Variants in LSS observed in about 807,000 individuals in gnomAD.
LSS encodes the protein 2,3-epoxysqualene-lanosterol cyclase.
In LSS, 90 loss-of-function variants were observed where a neutral mutation model predicts 110.3. The ratio of observed to expected loss-of-function variants is 0.82; its 90% CI spans 0.69 to 0.97. The LOEUF is 0.97. Among genes scored for constraint, LSS ranks in the 50% least tolerant of loss-of-function variants. The pLI is 0.00. For missense variants in LSS, 927 were observed against 990.0 expected (o/e 0.94, Z 0.85); for synonymous variants, 433 against 400.0 (o/e 1.08, Z -0.98).
At chr21:46,207,882 T>A (rs2080074670) in intron 14 of LSS, among the ~76,000 whole-genome samples, 1 of 152,206 alleles carries the variant, frequency 6.6e-6, no homozygotes, top group African/African-American at 2.4e-5. Flanking sequence ...GCTGGGTCCA[T>A]GCCTAATTTC....
intron 17 of LSS, among the ~76,000 whole-genome samples, chr21:46,204,021 G>C (rs958456181): frequency 1.3e-5 from 2 of 152,186 alleles, no homozygotes; most frequent in African/African-American, 4.8e-5. Flanking sequence ...AGGCCAGTGT[G>C]GTGGCTCACA....
intron 12 of LSS, among the ~76,000 whole-genome samples, chr21:46,210,143 T>C (rs1232783555): frequency 6.8e-6 from 1 of 145,986 alleles, no homozygotes; most frequent in Admixed American, 7.2e-5. Context: ...CTCGGCTCGC[T>C]GCACCCTCCA....
intron 20 of LSS, 163 bp from the exon 21 acceptor site, chr21:46,192,122 G>A (rs910384633): frequency 3.1e-5 from 20 of 648,636 alleles, no homozygotes; most frequent in Non-Finnish European, 3.3e-5. Flanking sequence ...CCAGCGCCTC[G>A]GGCTCTTGCC....
chr21:46,218,175 C>T (rs1390594126), intron 6 of LSS, among the ~76,000 whole-genome samples: 1 of 147,916 alleles, frequency 6.8e-6, no homozygotes, highest in Non-Finnish European at 1.5e-5. Context: ...CTAGGGGACA[C>T]CCCCACCAGG....
At chr21:46,223,668 T>C (rs1398662610) in intron 3 of LSS, among the ~76,000 whole-genome samples, 1 of 152,202 alleles carries the variant, frequency 6.6e-6, no homozygotes, top group Non-Finnish European at 1.5e-5. Context: ...ATCCCAATAT[T>C]ATAATAATCC....
chr21:46,213,691 T>A (rs373277086), intron 10 of LSS, 47 bp downstream of exon 10: 93 of 1,537,894 alleles, frequency 6.0e-5, no homozygotes, highest in Non-Finnish European at 7.4e-5. Flanking sequence ...GGGGCTCAGA[T>A]CCAGTCTTCG....
At chr21:46,221,073 AGTT>A (rs2080273267) in intron 5 of LSS, among the ~76,000 whole-genome samples, 1 of 141,452 alleles carries the variant, frequency 7.1e-6, no homozygotes, top group African/African-American at 2.7e-5. Context: ...AGAAGTAGAC[AGTT>A]GGGGCTTGGA....
chr21:46,198,974 G>A (rs144229924), intron 17 of LSS, among the ~76,000 whole-genome samples: 159 of 152,144 alleles, frequency 1.0e-3, no homozygotes, highest in African/African-American at 3.8e-3. Context: ...AGGTACCCTT[G>A]GGCTTGGCAG....
Position 46,206,713 on chromosome 21 carries a change from C to CA in LSS, c.1522_1523insT (p.Gly508ValfsTer20). 6.2e-7 allele frequency: 1 copy of CA among 1,613,136 alleles called. No individual in the cohort carries two copies. Among genetic ancestry groups the CA allele is most frequent in the Non-Finnish European group, 8.5e-7 (1 of 1,179,990 alleles). ...GTTCAGCAGCTCCAGCAAGTGCCCCCCACGCTTGGTCTCATAGGTGGCGAA... is the reference window on the plus strand; with the variant it reads ...GTTCAGCAGCTCCAGCAAGTGCCCCCACACGCTTGGTCTCATAGGTGGCGAA... On this transcript the variant is annotated frameshift_variant, in exon 16 of 22. Transcript: ENST00000397728. LOFTEE classifies it high-confidence loss of function.
intron 10 of LSS, 133 bp from the exon 11 acceptor site, chr21:46,213,185 C>A: frequency 2.4e-6 from 2 of 822,952 alleles, no homozygotes; most frequent in Non-Finnish European, 4.1e-6. Context: ...GGCCTGGATG[C>A]CACCCCAGCT....
intron 3 of LSS, among the ~76,000 whole-genome samples, chr21:46,226,840 T>C (rs754446043): frequency 3.0e-4 from 46 of 152,278 alleles, no homozygotes; most frequent in Non-Finnish European, 5.0e-4. Context: ...CAAAGGTATA[T>C]AAGGACTTTC....
chr21:46,194,659 G>C lies in LSS; in HGVS notation c.1820C>G (p.Thr607Ser), dbSNP rs2079882175. ...GGCCCGGGAGACCTCTGCACAGGCAGTCCTGCAAAGACCAGAGACAGGAGA... is the reference window on the plus strand; with the variant it reads ...GGCCCGGGAGACCTCTGCACAGGCACTCCTGCAAAGACCAGAGACAGGAGA... ...ACMGQTYRDGTACAEVSRACD... is the reference protein window; with the variant it reads ...ACMGQTYRDGSACAEVSRACD... The change falls in exon 20 of 22, where the codon ACT (threonine) becomes AGT (serine). Residue 607 changes from threonine (T) to serine (S), a missense_variant and splice_region_variant. Thr to Ser is a moderately conservative substitution (Grantham distance 58). Transcript: ENST00000397728. 6.2e-7 allele frequency: 1 copy of C among 1,611,556 alleles called. No homozygotes were observed. The highest frequency in any genetic ancestry group is 8.5e-7 in the Non-Finnish European group (1 of 1,179,746).
chr21:46,189,892 C>A lies in LSS; in HGVS notation c.*1212G>T. The A allele has an allele frequency of 2.8e-6, 1 of 358,442 alleles. No homozygotes were observed. Among genetic ancestry groups the A allele is most frequent in the Admixed American group, 3.3e-5 (1 of 29,960 alleles). 22.2% of individuals were successfully genotyped at this position (358,442 alleles called of 1,614,324 possible). On this transcript the variant is annotated 3_prime_UTR_variant, in exon 22 of 22. Transcript: ENST00000397728. ...GAGCATGTGAGCTGCTCATCCACAT[C>A]AGGCAAAGGCAAAGCCAGGACCTGA...
At chr21:46,220,831 T>G (rs1218012039) in intron 5 of LSS, among the ~76,000 whole-genome samples, 4 of 128,082 alleles carry the variant, frequency 3.1e-5, no homozygotes, top group Admixed American at 7.8e-5. Flanking sequence ...CTTGGAGAGG[T>G]GGACAGCCTG....
rs114786885 is a variant in LSS at position 46,195,705 on chromosome 21, G to A, written c.1788C>T (p.Phe596=). 3.2e-4 allele frequency: 521 copies of A among 1,613,608 alleles called. 2 individuals carry two copies. The African/African-American group carries it at 6.3e-3, about 20-fold the overall frequency. ...TYGTWFGLEA[F]ACMGQTYRDG... is the part of the protein sequence containing the mutation. The stretch of plus-strand genomic sequence containing the variant: ...CTCGGTAGGTCTGCCCCATACAGGC[G>A]AAGGCCTCCAGGCCAAACCAGGTGC... The change falls in exon 19 of 22, where the codon TTC becomes TTT. Residue 596 remains phenylalanine, a synonymous_variant. Transcript: ENST00000397728.
chr21:46,227,613 C>A lies in LSS; in HGVS notation c.258G>T (p.Gly86=). Reference sequence around the variant, plus strand: ...TCCAGTGCCCATCCTCAGCCTGCAGCCCCACGTAAAATGTCATCCCGTTCA... The same window carrying A: ...TCCAGTGCCCATCCTCAGCCTGCAGACCCACGTAAAATGTCATCCCGTTCA... ...GALNGMTFYV[G]LQAEDGHWTG... Residue 86 remains glycine, a synonymous_variant, in exon 3 of 22, where the codon GGG becomes GGT. Transcript: ENST00000397728. 6.2e-7 allele frequency: 1 copy of A among 1,613,950 alleles called. No individual in the cohort carries two copies.
intron 6 of LSS, 84 bp downstream of exon 6, chr21:46,219,392 G>T: frequency 1.1e-6 from 1 of 913,700 alleles, no homozygotes; most frequent in Non-Finnish European, 1.6e-6. Context: ...TGCTGTCACA[G>T]CCTGCACCTG....
In LSS at chr21:46,215,701, C is replaced by T; in HGVS notation, c.876G>A (p.Leu292=). 1 of 1,611,528 alleles carries T rather than the reference C, an allele frequency of 6.2e-7. No individual in the cohort carries two copies. Among genetic ancestry groups the T allele is most frequent in the African/African-American group, 1.3e-5 (1 of 74,950 alleles). Residue 292 remains leucine, a synonymous_variant, in exon 8 of 22, where the codon CTG becomes CTA. Coordinates refer to ENST00000397728, the MANE Select transcript of LSS (RefSeq NM_002340.6). ...PDELYTPHSW[L]LRVVYALLNL... ...GGCGCTCACCATATACCACGCGGAG[C>T]AGCCAGCTGTGCGGCGTGTACAGCT...
At chr21:46,213,642 C>T in intron 10 of LSS, 96 bp downstream of exon 10, 1 of 920,062 alleles carries the variant, frequency 1.1e-6, no homozygotes, top group Non-Finnish European at 1.7e-6. Context: ...GCAGTATTCC[C>T]AGATGGCACC....
Sources: gnomAD v4.1 joint callset for allele counts (sites outside exome capture counted in the v4.1 genomes callset) on GRCh38, gnomAD v4.1.1 for gene constraint, MANE v1.5 for transcripts, NCBI Gene and HGNC (gene_info 2026-07-23, HGNC 2026-07-21) for gene names.